The following AGPAT4 variants were observed in gnomAD, a reference collection of about 807,000 sequenced individuals.
The protein encoded by AGPAT4 is 1-acylglycerol-3-phosphate O-acyltransferase 4, also known as 1-acyl-sn-glycerol-3-phosphate acyltransferase delta.
A neutral mutation model predicts 48.0 loss-of-function variants in AGPAT4; 15 were observed. The ratio of observed to expected loss-of-function variants is 0.31; its 90% confidence interval spans 0.21 to 0.48. The LOEUF (loss-of-function observed/expected upper bound fraction) is 0.48. Ranked by LOEUF, AGPAT4 falls within the 20% of genes least tolerant of loss-of-function variation. The probability of loss-of-function intolerance (pLI) is 0.99; values close to 1 mark genes in which losing one functional copy is unlikely to be tolerated. For missense variants in AGPAT4, 314 were observed against 482.5 expected (o/e 0.65, Z 3.27); for synonymous variants, 178 against 198.7 (o/e 0.90, Z 0.88).
intron 2 of AGPAT4, among the ~76,000 whole-genome samples, chr6:161,228,249 C>T (rs1387703288): frequency 2.6e-5 from 4 of 152,164 alleles, no homozygotes; most frequent in African/African-American, 9.7e-5. Context: ...CCAAAGGTGA[C>T]GCAGCCTGTA....
rs142407070 is a variant in AGPAT4, at chr6:161,220,029, G to A, written c.178+12007C>T. ...TTATTACTCAAAATACACAAGGCTTGCTATCACAGTTACATTATTCCTGTT... is the reference window on the plus strand; with the variant it reads ...TTATTACTCAAAATACACAAGGCTTACTATCACAGTTACATTATTCCTGTT... On this transcript the variant is annotated intron_variant, in intron 2 of 8. Coordinates refer to ENST00000320285, the MANE Select transcript of AGPAT4 (RefSeq NM_020133.3). The surrounding 1 kb of genome is among the most constrained non-coding windows in gnomAD (Gnocchi z 6.0). Among the ~76,000 whole-genome samples, 1,354 of 152,172 alleles carry A rather than the reference G, an allele frequency of 8.9e-3. 6 individuals are homozygous for A. Among genetic ancestry groups the A allele is most frequent in the Non-Finnish European group, 0.014 (924 of 68,020 alleles).
rs989290262 is a variant in AGPAT4, at chr6:161,198,379, G to A, written c.179-31962C>T. Among the ~76,000 whole-genome samples, 3 of 152,200 alleles carry A rather than the reference G, an allele frequency of 2.0e-5. No homozygotes were observed. Among genetic ancestry groups the A allele is most frequent in the Non-Finnish European group, 2.9e-5 (2 of 68,040 alleles). On this transcript the variant is annotated intron_variant, in intron 2 of 8. Coordinates refer to ENST00000320285, the MANE Select transcript of AGPAT4 (RefSeq NM_020133.3). This position sits in a 1 kb window ranked among gnomAD's most constrained non-coding sequence, Gnocchi z 4.3. Reference sequence around the variant, plus strand: ...ATTTTTCATTGTCACGGTTTGGAAGGGGGATGCTATTCATTAAGGGTAGGA... The same window carrying A: ...ATTTTTCATTGTCACGGTTTGGAAGAGGGATGCTATTCATTAAGGGTAGGA...
intron 3 of AGPAT4, among the ~76,000 whole-genome samples, chr6:161,162,198 T>C (rs1389727655): frequency 1.3e-5 from 2 of 152,212 alleles, no homozygotes; most frequent in Non-Finnish European, 2.9e-5. Flanking sequence ...AAATGTCATG[T>C]CACCGTGGGG....
rs1348716488 is a variant in AGPAT4 at position 161,180,240 on chromosome 6, C to G, written c.179-13823G>C. 6.6e-6 allele frequency among the ~76,000 whole-genome samples: 1 copy of G among 152,188 alleles called. No homozygotes were observed. Among genetic ancestry groups the G allele is most frequent in the Non-Finnish European group, 1.5e-5 (1 of 68,028 alleles). On this transcript the variant is annotated intron_variant, in intron 2 of 8. Transcript: ENST00000320285. The surrounding 1 kb of genome is among the most constrained non-coding windows in gnomAD (Gnocchi z 6.4). ...TCCCCTTCCCCACCATTCCCCAAGG[C>G]TCCTGCTCCTTCCTCGCTCCAGTGG...
In AGPAT4 at chr6:161,245,306, G is replaced by T. The variant is rs1223354429; in HGVS notation, c.-89-13004C>A. On this transcript the variant is annotated intron_variant, in intron 1 of 8. Transcript: ENST00000320285. This position sits in a 1 kb window ranked among gnomAD's most constrained non-coding sequence, Gnocchi z 5.2. The stretch of plus-strand genomic sequence containing the variant: ...ACATACACGCCGGCCCCACAGGGGT[G>T]ATGGGAGACTTCAGGAGGTGATGGA... Among the ~76,000 whole-genome samples the T allele has an allele frequency of 6.6e-6, 1 of 152,236 alleles. No individual in the cohort carries two copies. The highest frequency in any genetic ancestry group is 6.5e-5 in the Admixed American group (1 of 15,288).
rs1009274213 is a variant in AGPAT4, at chr6:161,146,722, A to G, written c.768-123T>C. ...TCACCTAAATAATGTGGAACTGAAGAGAGTAATGCAAGTGATAGAAAGAAG... is the reference window on the plus strand; with the variant it reads ...TCACCTAAATAATGTGGAACTGAAGGGAGTAATGCAAGTGATAGAAAGAAG... On this transcript the variant is annotated intron_variant, in intron 6 of 8. Transcript: ENST00000320285. The surrounding 1 kb of genome is among the most constrained non-coding windows in gnomAD (Gnocchi z 7.1). The G allele has an allele frequency of 8.4e-6, 7 of 829,070 alleles. No individual in the cohort carries two copies. In the African/African-American group the frequency reaches 1.2e-4, roughly 14 times the overall value. 51.4% of individuals were successfully genotyped at this position (829,070 alleles called of 1,614,324 possible).
rs1052892902 is a variant in AGPAT4, at chr6:161,169,653, G to T, written c.179-3236C>A. 6.6e-6 allele frequency among the ~76,000 whole-genome samples: 1 copy of T among 152,082 alleles called. No homozygotes were observed. Among genetic ancestry groups the T allele is most frequent in the Non-Finnish European group, 1.5e-5 (1 of 68,016 alleles). ...GACTAGCCCATTTTCTTAATCAAAT[G>T]ATTTCACTTCTTTTTTAATTCACAG... is the stretch of plus-strand genomic sequence containing the variant. On this transcript the variant is annotated intron_variant, in intron 2 of 8. Transcript: ENST00000320285. The surrounding 1 kb of genome is among the most constrained non-coding windows in gnomAD (Gnocchi z 5.0).
intron 2 of AGPAT4, among the ~76,000 whole-genome samples, chr6:161,173,813 A>C (rs1056960289): frequency 1.3e-5 from 2 of 152,154 alleles, no homozygotes; most frequent in Admixed American, 1.3e-4. Flanking sequence ...ACCTTGAATT[A>C]ATTTTTGTAT....
rs577275124 is a variant in AGPAT4, at chr6:161,223,024, C to T, written c.178+9012G>A. Among the ~76,000 whole-genome samples the T allele has an allele frequency of 5.3e-5, 8 of 152,310 alleles. No homozygotes were observed. Among genetic ancestry groups the T allele is most frequent in the South Asian group, 2.1e-4 (1 of 4,820 alleles). ...GCACCTGGCTTGTGATGCTGCTTCACGGGGACGTCGCTGCGCCCTGCACAG... is the reference window on the plus strand; with the variant it reads ...GCACCTGGCTTGTGATGCTGCTTCATGGGGACGTCGCTGCGCCCTGCACAG... On this transcript the variant is annotated intron_variant, in intron 2 of 8. Transcript: ENST00000320285. The surrounding 1 kb of genome is among the most constrained non-coding windows in gnomAD (Gnocchi z 6.3).
chr6:161,270,815 C>T lies in AGPAT4; in HGVS notation c.-90+3123G>A, dbSNP rs1783401118. ...AATAAATGTGAATGCGGCTTTGTCC[C>T]ATAACCATCAGACCTCCTTTCCAGA... On this transcript the variant is annotated intron_variant, in intron 1 of 8. Transcript: ENST00000320285. The surrounding 1 kb of genome is among the most constrained non-coding windows in gnomAD (Gnocchi z 5.3). Among the ~76,000 whole-genome samples, 1 of 152,096 alleles carries T rather than the reference C, an allele frequency of 6.6e-6. No individual in the cohort carries two copies. The highest frequency in any genetic ancestry group is 1.5e-5 in the Non-Finnish European group (1 of 68,008).
In AGPAT4 at chr6:161,234,964, A is replaced by G. The variant is rs6455710; in HGVS notation, c.-89-2662T>C. Among the ~76,000 whole-genome samples the G allele has an allele frequency of 0.46, 70,448 of 151,564 alleles. 17,622 individuals carry two copies. The highest frequency in any genetic ancestry group is 0.64 in the African/African-American group (26,455 of 41,250). On this transcript the variant is annotated intron_variant, in intron 1 of 8. Transcript: ENST00000320285. The surrounding 1 kb of genome is among the most constrained non-coding windows in gnomAD (Gnocchi z 4.4). ...CAATGCATGAACCAGGGTCTCAGAT[A>G]GCATTGGTGAAGTGTAAAGAGGAAC...
rs573478942 is a variant in AGPAT4 at position 161,196,696 on chromosome 6, C to A, written c.179-30279G>T. Among the ~76,000 whole-genome samples the A allele has an allele frequency of 6.6e-6, 1 of 151,808 alleles. No homozygotes were observed. Among genetic ancestry groups the A allele is most frequent in the Non-Finnish European group, 1.5e-5 (1 of 67,966 alleles). On this transcript the variant is annotated intron_variant, in intron 2 of 8. Transcript: ENST00000320285. This position sits in a 1 kb window ranked among gnomAD's most constrained non-coding sequence, Gnocchi z 4.3. ...TGATGGTTTGCAGCTGTAGTCCCAG[C>A]TACTTGGGAGGCTGAGGCAGGAGAA...
rs1441082936 is a variant in AGPAT4 at position 161,178,421 on chromosome 6, C to T, written c.179-12004G>A. Among the ~76,000 whole-genome samples, 1 of 152,246 alleles carries T rather than the reference C, an allele frequency of 6.6e-6. No individual in the cohort carries two copies. The highest frequency in any genetic ancestry group is 2.4e-5 in the African/African-American group (1 of 41,472). ...TGAGCAAGGCTCCGTGGGCGTCGGACCCTCTGAGCCAGACACGGGATATAA... is the reference window on the plus strand; with the variant it reads ...TGAGCAAGGCTCCGTGGGCGTCGGATCCTCTGAGCCAGACACGGGATATAA... On this transcript the variant is annotated intron_variant, in intron 2 of 8. Coordinates refer to ENST00000320285, the MANE Select transcript of AGPAT4 (RefSeq NM_020133.3). This position sits in a 1 kb window ranked among gnomAD's most constrained non-coding sequence, Gnocchi z 5.1.
chr6:161,251,973 A>G lies in AGPAT4; in HGVS notation c.-89-19671T>C, dbSNP rs1420156210. The stretch of plus-strand genomic sequence containing the variant: ...AGAGTATAATTTTTTGAATTTTTGC[A>G]TGAGTGAAAAATCAGACCTTGGTGA... On this transcript the variant is annotated intron_variant, in intron 1 of 8. Transcript: ENST00000320285. This position sits in a 1 kb window ranked among gnomAD's most constrained non-coding sequence, Gnocchi z 4.6. Among the ~76,000 whole-genome samples, 1 of 152,114 alleles carries G rather than the reference A, an allele frequency of 6.6e-6. No individual in the cohort carries two copies. The highest frequency in any genetic ancestry group is 2.4e-5 in the African/African-American group (1 of 41,426).
rs143134505 is a variant in AGPAT4 at position 161,220,785 on chromosome 6, A to T, written c.178+11251T>A. Among the ~76,000 whole-genome samples, 242 of 151,830 alleles carry T rather than the reference A, an allele frequency of 1.6e-3. 2 individuals are homozygous for T. The highest frequency in any genetic ancestry group is 4.3e-3 in the African/African-American group (179 of 41,402). ...GACTCGGACAGCGTAGATATATTTT[A>T]TTTTATTTTTATTTTTGAGACAGAG... is the stretch of plus-strand genomic sequence containing the variant. On this transcript the variant is annotated intron_variant, in intron 2 of 8. Coordinates refer to ENST00000320285, the MANE Select transcript of AGPAT4 (RefSeq NM_020133.3). This position sits in a 1 kb window ranked among gnomAD's most constrained non-coding sequence, Gnocchi z 6.0.
rs1267563357 is a variant in AGPAT4, at chr6:161,235,377, G to T, written c.-89-3075C>A. ...GAAGAAGGTGAGAAGTGCTCGAGTT[G>T]TTAAATAATTTAACTGACTTTAGAA... On this transcript the variant is annotated intron_variant, in intron 1 of 8. Coordinates refer to ENST00000320285, the MANE Select transcript of AGPAT4 (RefSeq NM_020133.3). The surrounding 1 kb of genome is among the most constrained non-coding windows in gnomAD (Gnocchi z 6.2). Among the ~76,000 whole-genome samples, 1 of 152,170 alleles carries T rather than the reference G, an allele frequency of 6.6e-6. No homozygotes were observed. Among genetic ancestry groups the T allele is most frequent in the East Asian group, 1.9e-4 (1 of 5,194 alleles).
In AGPAT4 at chr6:161,166,042, T is replaced by A; in HGVS notation, c.348+206A>T. 2 of 665,418 alleles carry A rather than the reference T, an allele frequency of 3.0e-6. No individual in the cohort carries two copies. Among genetic ancestry groups the A allele is most frequent in the Non-Finnish European group, 5.2e-6 (2 of 383,214 alleles). 41.2% of individuals were successfully genotyped at this position (665,418 alleles called of 1,614,324 possible). ...ATGTAAAATGGCCGGCAGGTAGCAA[T>A]TGTTGAGTACCTCTTATGATTGCCC... is the stretch of plus-strand genomic sequence containing the variant. On this transcript the variant is annotated intron_variant, in intron 3 of 8. Transcript: ENST00000320285. This position sits in a 1 kb window ranked among gnomAD's most constrained non-coding sequence, Gnocchi z 6.7.
chr6:161,208,927 C>A lies in AGPAT4; in HGVS notation c.178+23109G>T, dbSNP rs1562339021. On this transcript the variant is annotated intron_variant, in intron 2 of 8. Coordinates refer to ENST00000320285, the MANE Select transcript of AGPAT4 (RefSeq NM_020133.3). The surrounding 1 kb of genome is among the most constrained non-coding windows in gnomAD (Gnocchi z 4.6). The stretch of plus-strand genomic sequence containing the variant: ...TAATCAGAACTACCATTGGGGAACA[C>A]AAGCAAACCCACACCAGAAAGAGTC... Among the ~76,000 whole-genome samples the A allele has an allele frequency of 1.3e-5, 2 of 152,134 alleles. No individual in the cohort carries two copies. The highest frequency in any genetic ancestry group is 2.4e-5 in the African/African-American group (1 of 41,412).
chr6:161,138,834 C>G lies in AGPAT4; in HGVS notation c.1042+588G>C, dbSNP rs547122511. Among the ~76,000 whole-genome samples the G allele has an allele frequency of 6.6e-6, 1 of 152,102 alleles. No individual in the cohort carries two copies. The highest frequency in any genetic ancestry group is 2.4e-5 in the African/African-American group (1 of 41,414). ...CTGTTCACAGGGCAGGAAGCAGGCA[C>G]GACAGGCTGCCCCGCCAGAGGCAAG... is the stretch of plus-strand genomic sequence containing the variant. On this transcript the variant is annotated intron_variant, in intron 8 of 8. Coordinates refer to ENST00000320285, the MANE Select transcript of AGPAT4 (RefSeq NM_020133.3). This position sits in a 1 kb window ranked among gnomAD's most constrained non-coding sequence, Gnocchi z 4.8.
Sources: gnomAD v4.1 joint callset for allele counts (sites outside exome capture counted in the v4.1 genomes callset) on GRCh38, gnomAD v4.1.1 for gene constraint, Gnocchi (gnomAD v3.1) non-coding constraint, MANE v1.5 for transcripts, NCBI Gene and HGNC (gene_info 2026-07-23, HGNC 2026-07-21) for gene names.